The following XIST variants were observed in gnomAD, a reference collection of about 807,000 sequenced individuals.
XIST encodes the protein X inactive specific transcript, also known as X inactive specific transcript (non-protein coding).
exon 1 of XIST, chrX:73,852,050 G>A (rs777271260): frequency 3.7e-6 from 2 of 544,762 alleles, no homozygotes; most frequent in South Asian, 4.6e-5. Context: ...GCCCCGATGG[G>A]CCAGAAAAAC....
chrX:73,844,836 C>T (rs746444603), exon 1 of XIST: 1 of 556,318 alleles, frequency 1.8e-6, no homozygotes, highest in East Asian at 3.3e-5. Context: ...GACCAAGGTG[C>T]ATGGCTGCGG....
At chrX:73,833,309 G>T (rs1390521320) in exon 3 of XIST, 1 of 557,013 alleles carries the variant, frequency 1.8e-6, no homozygotes, top group South Asian at 2.2e-5. Context: ...CAAAGGGAAA[G>T]ATATGATTAA....
At chrX:73,833,495 C>G (rs920235566) in intron 2 of XIST, 11 of 414,386 alleles carry the variant, frequency 2.7e-5, no homozygotes, top group Non-Finnish European at 4.6e-5. Flanking sequence ...ACATAGGTAT[C>G]TCCTGTCTCT....
chrX:73,824,128 T>C (rs1267808953), exon 6 of XIST: 2 of 533,432 alleles, frequency 3.7e-6, no homozygotes, highest in Admixed American at 2.4e-5. Flanking sequence ...AAATTATAAA[T>C]TGATTTTACA....
exon 6 of XIST, chrX:73,826,420 G>A (rs750586335): frequency 5.4e-6 from 3 of 555,804 alleles, no homozygotes; most frequent in Non-Finnish European, 9.7e-6. Context: ...GAGAAGATGT[G>A]AATAGAAACA....
chrX:73,848,240 T>G (rs1338175476), exon 1 of XIST: 1 of 556,313 alleles, frequency 1.8e-6, no homozygotes. Context: ...AAAAGGAATA[T>G]GAGGGGATGA....
exon 1 of XIST, chrX:73,844,424 C>T (rs1922678753): frequency 1.8e-6 from 1 of 558,241 alleles, no homozygotes; most frequent in Non-Finnish European, 3.2e-6. Flanking sequence ...TATAGACAAG[C>T]CAAGCAAAGA....
At chrX:73,841,508 A>AT (rs1922586898) in exon 1 of XIST, 1 of 558,341 alleles carries the variant, frequency 1.8e-6, no homozygotes, top group Non-Finnish European at 3.2e-6. Context: ...TTCAGTTATT[A>AT]CAAAGAACTG....
chrX:73,845,000 G>T (rs777109392), exon 1 of XIST: 1 of 537,880 alleles, frequency 1.9e-6, no homozygotes, highest in Non-Finnish European at 3.3e-6. Context: ...AATCACATAC[G>T]TTAACAGGCC....
At chrX:73,840,048 A>G (rs1429327464) in intron 1 of XIST, among the ~76,000 whole-genome samples, 1 of 111,843 alleles carries the variant, frequency 8.9e-6, no homozygotes, top group Non-Finnish European at 1.9e-5. Flanking sequence ...CAAGTTCTAC[A>G]TAAGTTATAT....
intron 2 of XIST, among the ~76,000 whole-genome samples, chrX:73,835,091 T>G (rs1470083023): frequency 9.0e-6 from 1 of 111,149 alleles, no homozygotes; most frequent in Non-Finnish European, 1.9e-5. Flanking sequence ...AAATAGAAGG[T>G]AACCAAGTGA....
At chrX:73,841,620 C>T in exon 1 of XIST, 1 of 558,430 alleles carries the variant, frequency 1.8e-6, no homozygotes, top group South Asian at 2.2e-5. Flanking sequence ...TTCATTTCCA[C>T]TAGGCAGCTA....
chrX:73,841,571 T>G, exon 1 of XIST: 2 of 558,900 alleles, frequency 3.6e-6, no homozygotes, highest in Non-Finnish European at 6.5e-6. Context: ...CATAATCCTG[T>G]GCCACAAAAC....
chrX:73,820,728 G>A, exon 6 of XIST: 1 of 554,732 alleles, frequency 1.8e-6, no homozygotes, highest in South Asian at 2.3e-5. Context: ...ACATCTAGAT[G>A]GCTTAAGATT....
chrX:73,838,248 T>C (rs1922521021), intron 1 of XIST, among the ~76,000 whole-genome samples: 1 of 111,340 alleles, frequency 9.0e-6, no homozygotes, highest in Admixed American at 9.6e-5. Flanking sequence ...GATAATTTTA[T>C]AATGGGACCT....
intron 3 of XIST, among the ~76,000 whole-genome samples, chrX:73,832,060 C>T (rs1213268822): frequency 8.9e-6 from 1 of 112,157 alleles, no homozygotes; most frequent in Non-Finnish European, 1.9e-5. Flanking sequence ...GCTGGCCAGG[C>T]GTGGTGGCTC....
chrX:73,824,669 A>C, exon 6 of XIST: 1 of 557,645 alleles, frequency 1.8e-6, no homozygotes, highest in Non-Finnish European at 3.2e-6. Context: ...CAAATTTTTC[A>C]TTTACAAGTG....
chrX:73,843,965 G>T (rs373938472), exon 1 of XIST: 4 of 558,546 alleles, frequency 7.2e-6, no homozygotes, highest in Non-Finnish European at 9.7e-6. Flanking sequence ...AGGGGCCTTG[G>T]AGGGAAACAG....
intron 1 of XIST, among the ~76,000 whole-genome samples, chrX:73,838,586 A>C (rs1010955275): frequency 1.4e-4 from 16 of 111,525 alleles, no homozygotes; most frequent in African/African-American, 4.9e-4. Context: ...GATGCAGAAG[A>C]AGCCCAAGCT....
Sources: gnomAD v4.1 joint callset for allele counts (sites outside exome capture counted in the v4.1 genomes callset) on GRCh38, gnomAD v4.1.1 for gene constraint, MANE v1.5 for transcripts, NCBI Gene and HGNC (gene_info 2026-07-23, HGNC 2026-07-21) for gene names.